The following SGTB variants were observed in gnomAD, a reference collection of about 807,000 sequenced individuals.
SGTB encodes the protein small glutamine-rich tetratricopeptide repeat-containing protein beta.
SGTB carries 19 observed loss-of-function variants against 43.9 expected under a neutral mutation model. That is an observed-to-expected ratio of 0.43 (90% confidence interval 0.30 to 0.63). SGTB has a LOEUF of 0.63. Among genes scored for constraint, SGTB ranks in the 30% least tolerant of loss-of-function variants. SGTB has a pLI of 0.12. For synonymous variants in SGTB, 116 were observed against 117.3 expected, an observed-to-expected ratio of 0.99 and a Z score of 0.07; for missense variants, 304 against 358.9, an observed-to-expected ratio of 0.85 and a Z score of 1.24.
At chr5:65,680,450 A>G (rs1757372131) in intron 8 of SGTB, 44 bp downstream of exon 8, 1 of 1,605,966 alleles carries the variant, frequency 6.2e-7, no homozygotes, top group Non-Finnish European at 8.5e-7. Flanking sequence ...TACATAGTCT[A>G]TGGAAAACAT....
At chr5:65,699,668 C>T (rs1292502028) in intron 5 of SGTB, among the ~76,000 whole-genome samples, 1 of 152,194 alleles carries the variant, frequency 6.6e-6, no homozygotes, top group Non-Finnish European at 1.5e-5. Flanking sequence ...GATTTCATCA[C>T]ATTGGCCAGG....
intron 5 of SGTB, among the ~76,000 whole-genome samples, chr5:65,702,019 T>C (rs764157103): frequency 4.1e-4 from 63 of 152,266 alleles, no homozygotes; most frequent in Non-Finnish European, 7.3e-4. Context: ...ACAGCCACTG[T>C]GGCTAGTGGC....
At chr5:65,691,977 C>A (rs1222467308) in intron 5 of SGTB, among the ~76,000 whole-genome samples, 2 of 149,998 alleles carry the variant, frequency 1.3e-5, no homozygotes, top group Non-Finnish European at 3.0e-5. Flanking sequence ...GGATACACGA[C>A]CAGTTTAAAG....
intron 6 of SGTB, 150 bp downstream of exon 6, chr5:65,685,218 G>T: frequency 9.5e-6 from 6 of 628,758 alleles, no homozygotes; most frequent in Admixed American, 6.0e-5. Flanking sequence ...CCTAGTCAAA[G>T]AAATTGTAGT....
At chr5:65,705,836 T>A (rs1378905522) in intron 4 of SGTB, among the ~76,000 whole-genome samples, 1 of 144,452 alleles carries the variant, frequency 6.9e-6, no homozygotes, top group Non-Finnish European at 1.5e-5. Context: ...GAAACCAGCC[T>A]GGGCAACATG....
chr5:65,719,109 A>G (rs954711717), intron 2 of SGTB, among the ~76,000 whole-genome samples: 5 of 152,226 alleles, frequency 3.3e-5, no homozygotes, highest in Admixed American at 3.3e-4. Flanking sequence ...TCTCACTGCC[A>G]CCTGGAAAGA....
At chr5:65,710,887 T>C (rs1463744141) in intron 3 of SGTB, among the ~76,000 whole-genome samples, 3 of 151,508 alleles carry the variant, frequency 2.0e-5, no homozygotes, top group Non-Finnish European at 2.9e-5. Context: ...TCCCAGCTAT[T>C]CGGGAGGCTG....
intron 8 of SGTB, among the ~76,000 whole-genome samples, chr5:65,680,019 T>C (rs1757362989): frequency 6.6e-6 from 1 of 152,182 alleles, no homozygotes; most frequent in Non-Finnish European, 1.5e-5. Context: ...CGCAGGGACA[T>C]GGATGGAGCT....
chr5:65,672,142 C>A, intron 9 of SGTB, 102 bp downstream of exon 9: 1 of 1,576,332 alleles, frequency 6.3e-7, no homozygotes, highest in South Asian at 1.1e-5. Context: ...AACTGACTGT[C>A]ATTCAGAACA....
intron 6 of SGTB, among the ~76,000 whole-genome samples, chr5:65,683,217 C>CA (rs959403325): frequency 5.2e-4 from 78 of 148,976 alleles, no homozygotes; most frequent in Middle Eastern, 3.4e-3. Flanking sequence ...CACAAAAATA[C>CA]AAAAAAAAAT....
At chr5:65,722,665 G>T (rs1758345218), upstream of SGTB, 1 of 510,120 alleles carries the variant, frequency 2.0e-6, no homozygotes, top group East Asian at 3.6e-5. Flanking sequence ...GCCGCAGTCA[G>T]CGAGGCTGGT....
chr5:65,676,253 G>T lies in SGTB; in HGVS notation c.682-3972C>A, dbSNP rs951660191. Among the ~76,000 whole-genome samples, 4 of 152,074 alleles carry T rather than the reference G, an allele frequency of 2.6e-5. No individual in the cohort carries two copies. The East Asian group carries it at 7.7e-4, about 29-fold the overall frequency. Reference sequence around the variant, plus strand: ...AAAAAAGACAAAGAAGGAAGCAGAGGTTGCAGTGAGCTGAAATTGCGCCAC... The same window carrying T: ...AAAAAAGACAAAGAAGGAAGCAGAGTTTGCAGTGAGCTGAAATTGCGCCAC... On this transcript the variant is annotated intron_variant, in intron 8 of 10. Coordinates refer to ENST00000381007, the MANE Select transcript of SGTB (RefSeq NM_019072.3).
At chr5:65,698,990 A>G (rs759710731) in intron 5 of SGTB, among the ~76,000 whole-genome samples, 2 of 152,210 alleles carry the variant, frequency 1.3e-5, no homozygotes, top group Non-Finnish European at 2.9e-5. Flanking sequence ...TTAAAGAACT[A>G]AAAGTAGAGT....
chr5:65,677,763 C>G (rs2150704802), intron 8 of SGTB, among the ~76,000 whole-genome samples: 2 of 152,274 alleles, frequency 1.3e-5, no homozygotes, highest in African/African-American at 4.8e-5. Flanking sequence ...TCAATAGATG[C>G]TGAAGAGGCC....
intron 5 of SGTB, among the ~76,000 whole-genome samples, chr5:65,702,998 C>T (rs1022602919): frequency 5.3e-5 from 8 of 152,150 alleles, no homozygotes; most frequent in African/African-American, 1.4e-4. Flanking sequence ...GAAGATGGGA[C>T]AGTTTTGTAA....
intron 8 of SGTB, among the ~76,000 whole-genome samples, chr5:65,677,631 A>C (rs1757308896): frequency 6.6e-6 from 1 of 152,176 alleles, no homozygotes; most frequent in Non-Finnish European, 1.5e-5. Context: ...CACATCAAAA[A>C]GCTTACCCAT....
chr5:65,686,324 T>C (rs1757497751), intron 5 of SGTB, among the ~76,000 whole-genome samples: 1 of 152,130 alleles, frequency 6.6e-6, no homozygotes, highest in Admixed American at 6.5e-5. Flanking sequence ...TTTGCATTAA[T>C]AAAGGTAAAG....
intron 8 of SGTB, among the ~76,000 whole-genome samples, chr5:65,675,452 C>T (rs781675320): frequency 6.6e-6 from 1 of 152,130 alleles, no homozygotes; most frequent in Non-Finnish European, 1.5e-5. Context: ...ATATGATGCT[C>T]TCCCTGGAAA....
intron 8 of SGTB, among the ~76,000 whole-genome samples, chr5:65,679,488 G>A (rs1314780256): frequency 6.6e-6 from 1 of 152,004 alleles, no homozygotes; most frequent in South Asian, 2.1e-4. Flanking sequence ...ATGGTTGTGG[G>A]TGCCTATAAT....
Sources: gnomAD v4.1 joint callset for allele counts (sites outside exome capture counted in the v4.1 genomes callset) on GRCh38, gnomAD v4.1.1 for gene constraint, MANE v1.5 for transcripts, NCBI Gene and HGNC (gene_info 2026-07-23, HGNC 2026-07-21) for gene names.